Variants in EPS15 observed in about 807,000 individuals in gnomAD.
EPS15 encodes the protein epidermal growth factor receptor pathway substrate 15, also known as epidermal growth factor receptor substrate 15.
EPS15 carries 72 observed loss-of-function variants against 113.8 expected under a neutral mutation model. That is an observed-to-expected ratio of 0.63 (90% CI 0.52 to 0.77). EPS15 has a LOEUF of 0.77. Ranked by LOEUF, EPS15 falls within the 30% of genes least tolerant of loss-of-function variation. The pLI is 0.00. For missense variants in EPS15, 1,048 were observed against 1,045.8 expected (o/e 1.00, Z -0.03); for synonymous variants, 344 against 363.4 (o/e 0.95, Z 0.61).
chr1:51,497,925 C>T (rs182206476), intron 1 of EPS15, among the ~76,000 whole-genome samples: 21 of 148,504 alleles, frequency 1.4e-4, no homozygotes, highest in South Asian at 1.1e-3. Context: ...TGCAGTGAGG[C>T]GAGATTGTGC....
intron 23 of EPS15, among the ~76,000 whole-genome samples, chr1:51,363,587 T>C (rs921509523): frequency 6.6e-6 from 1 of 152,102 alleles, no homozygotes; most frequent in South Asian, 2.1e-4. Flanking sequence ...CTTGACACTT[T>C]CCCTTTTCCA....
chr1:51,500,939 G>GCACCATTGTC, intron 1 of EPS15, among the ~76,000 whole-genome samples: 1 of 150,574 alleles, frequency 6.6e-6, no homozygotes, highest in East Asian at 2.0e-4. Flanking sequence ...AGCCAAGATC[G>GCACCATTGTC]AGCCACTGCA....
At chr1:51,362,364 GT>G (rs1646406320) in intron 23 of EPS15, among the ~76,000 whole-genome samples, 1 of 152,104 alleles carries the variant, frequency 6.6e-6, no homozygotes, top group Non-Finnish European at 1.5e-5. Context: ...TAGACTCCCA[GT>G]TTAGTGCTCT....
intron 1 of EPS15, among the ~76,000 whole-genome samples, chr1:51,512,949 C>T (rs780886854): frequency 1.7e-4 from 26 of 150,364 alleles, no homozygotes; most frequent in Non-Finnish European, 3.5e-4. Context: ...TCATAGCTCA[C>T]CTGTAGCCTG....
intron 12 of EPS15, among the ~76,000 whole-genome samples, chr1:51,422,899 C>T (rs1650896374): frequency 6.6e-6 from 1 of 152,202 alleles, no homozygotes; most frequent in African/African-American, 2.4e-5. Context: ...CAAGTTTCTC[C>T]TTCGAGCTTC....
intron 13 of EPS15, among the ~76,000 whole-genome samples, chr1:51,420,959 G>A (rs911933834): frequency 6.6e-6 from 1 of 152,122 alleles, no homozygotes; most frequent in African/African-American, 2.4e-5. Flanking sequence ...ATTAAGAAAT[G>A]CCCATCCAAG....
At chr1:51,518,891 G>C (rs1399235773) in intron 1 of EPS15, among the ~76,000 whole-genome samples, 2 of 151,604 alleles carry the variant, frequency 1.3e-5, no homozygotes, top group African/African-American at 4.8e-5. Context: ...GAGCCGGCCC[G>C]GCACCGGCAG....
chr1:51,434,988 T>C (rs1183343836), intron 12 of EPS15, among the ~76,000 whole-genome samples: 1 of 151,730 alleles, frequency 6.6e-6, no homozygotes, highest in Non-Finnish European at 1.5e-5. Context: ...ATATATTTCA[T>C]ACCACTGAAT....
chr1:51,438,406 T>G (rs1039757506), intron 12 of EPS15, among the ~76,000 whole-genome samples: 1 of 152,314 alleles, frequency 6.6e-6, no homozygotes, highest in African/African-American at 2.4e-5. Context: ...TATTGAAAGA[T>G]TAGTTGACCA....
intron 21 of EPS15, among the ~76,000 whole-genome samples, chr1:51,389,286 T>TCCC (rs1647191331): frequency 6.6e-6 from 1 of 152,196 alleles, no homozygotes; most frequent in Non-Finnish European, 1.5e-5. Context: ...TGCTAAAAAT[T>TCCC]CTCAATAAAT....
chr1:51,413,693 T>C (rs1649952760), intron 13 of EPS15, among the ~76,000 whole-genome samples: 1 of 152,230 alleles, frequency 6.6e-6, no homozygotes, highest in African/African-American at 2.4e-5. Flanking sequence ...TGATCTGACA[T>C]TTAAAACTTT....
intron 20 of EPS15, among the ~76,000 whole-genome samples, chr1:51,395,976 T>G (rs1647894514): frequency 6.6e-6 from 1 of 152,180 alleles, no homozygotes; most frequent in African/African-American, 2.4e-5. Context: ...AAAAATTAAT[T>G]GTAGAGAAAG....
chr1:51,405,258 T>TG (rs1348399800), intron 16 of EPS15, among the ~76,000 whole-genome samples: 1 of 152,194 alleles, frequency 6.6e-6, no homozygotes. Flanking sequence ...ACAGCACTCT[T>TG]GCACATAGTT....
chr1:51,417,170 T>C (rs1410035072), intron 13 of EPS15, among the ~76,000 whole-genome samples: 1 of 152,052 alleles, frequency 6.6e-6, no homozygotes, highest in Non-Finnish European at 1.5e-5. Flanking sequence ...AGATAAGTCA[T>C]CCCTCTTCAT....
At chr1:51,509,643 T>C (rs1444914502) in intron 1 of EPS15, among the ~76,000 whole-genome samples, 1 of 152,168 alleles carries the variant, frequency 6.6e-6, no homozygotes, top group Non-Finnish European at 1.5e-5. Flanking sequence ...TAAAAGTAAA[T>C]ATTGGTATGA....
rs1468442173 is a variant in EPS15 at position 51,356,533 on chromosome 1, G to A, written c.*167C>T. 19 of 480,730 alleles carry A rather than the reference G, an allele frequency of 4.0e-5. No homozygotes were observed. The highest frequency in any genetic ancestry group is 2.4e-4 in the Admixed American group (6 of 24,750). The allele number at this position is 480,730 out of a possible 1,614,324, so 29.8% of individuals were successfully genotyped here. On this transcript the variant is annotated 3_prime_UTR_variant, in exon 25 of 25. Coordinates refer to ENST00000371733, the MANE Select transcript of EPS15 (RefSeq NM_001981.3). ...TTTTATAAGAAAAAAAAAAAAAGAC[G>A]AATCTGTAATGAAGAAAAAAAAAAA...
At chr1:51,506,883 G>A (rs1474015007) in intron 1 of EPS15, among the ~76,000 whole-genome samples, 1 of 151,714 alleles carries the variant, frequency 6.6e-6, no homozygotes, top group Non-Finnish European at 1.5e-5. Context: ...TGCAGAGAAG[G>A]GTGAAAACTG....
intron 16 of EPS15, among the ~76,000 whole-genome samples, chr1:51,405,417 C>G (rs1395037008): frequency 1.3e-5 from 2 of 152,210 alleles, no homozygotes; most frequent in African/African-American, 4.8e-5. Flanking sequence ...AATTAGCTGG[C>G]TGGGCGTGGT....
chr1:51,489,639 CCT>C lies in EPS15; in HGVS notation c.34-8327_34-8326del, dbSNP rs921914621. ...CCTCTTGTATACACAGAGTATATAG[CCT>C]CTCTCTCTTTAAGAGTAGTATTAAT... On this transcript the variant is annotated intron_variant, in intron 1 of 24. Coordinates refer to ENST00000371733, the MANE Select transcript of EPS15 (RefSeq NM_001981.3). Among the ~76,000 whole-genome samples the C allele has an allele frequency of 3.3e-5, 5 of 152,190 alleles. No homozygotes were observed. The East Asian group carries it at 5.8e-4, about 18-fold the overall frequency.
Sources: allele counts gnomAD v4.1 joint callset (sites outside exome capture counted in the v4.1 genomes callset), GRCh38; gene constraint gnomAD v4.1.1; transcripts MANE v1.5; gene names NCBI Gene and HGNC (gene_info 2026-07-23, HGNC 2026-07-21).